FAM3C: variants seen among roughly 807,000 people sequenced by gnomAD.
FAM3C encodes the protein FAM3 metabolism regulating signaling molecule C.
In FAM3C, 15 loss-of-function variants were observed where a neutral mutation model predicts 32.5. The ratio of observed to expected loss-of-function variants is 0.46; its 90% CI spans 0.31 to 0.71. FAM3C has a LOEUF of 0.71. Among genes scored for constraint, FAM3C ranks in the 30% least tolerant of loss-of-function variants. The probability of loss-of-function intolerance (pLI) is 0.05; values close to 1 mark genes in which losing one functional copy is unlikely to be tolerated. For missense variants in FAM3C, 175 were observed against 274.4 expected (o/e 0.64, Z 2.56); for synonymous variants, 75 against 86.1 (o/e 0.87, Z 0.72).
chr7:121,381,104 A>G (rs1794342299), intron 2 of FAM3C, among the ~76,000 whole-genome samples: 1 of 152,206 alleles, frequency 6.6e-6, no homozygotes, highest in South Asian at 2.1e-4. Context: ...CTCCAGGACC[A>G]GCATCCCATT....
At chr7:121,375,787 TC>T (rs1431846911) in intron 3 of FAM3C, among the ~76,000 whole-genome samples, 1 of 152,178 alleles carries the variant, frequency 6.6e-6, no homozygotes, top group Non-Finnish European at 1.5e-5. Flanking sequence ...TTCTATTTGT[TC>T]CAATGGTCCC....
rs377173412 is a variant in FAM3C, at chr7:121,351,165, T to C, written c.572A>G (p.Lys191Arg). The change falls in exon 9 of 10, where the codon AAG (lysine) becomes AGG (arginine). Residue 191 changes from lysine to arginine, a missense_variant. Physicochemically the swap from Lys to Arg is conservative, Grantham distance 26 (BLOSUM62 2). Transcript: ENST00000359943. ...AACCTGTTCAAAAGGGCTTTTTGTC[T>C]TAATGCCCTTCCCACCACAGAAGAC... ...NWVFCGGKGIKTKSPFEQHIK... is the reference protein window; with the variant it reads ...NWVFCGGKGIRTKSPFEQHIK... 3.7e-6 allele frequency: 6 copies of C among 1,613,480 alleles called. No individual in the cohort carries two copies. The African/African-American group carries it at 6.7e-5, about 18-fold the overall frequency.
chr7:121,372,151 A>G lies in FAM3C; in HGVS notation c.119-12T>C. On this transcript the variant is annotated splice_polypyrimidine_tract_variant and intron_variant, in intron 3 of 9. Transcript: ENST00000359943. Reference sequence around the variant, plus strand: ...CAATGCTGATCTTGCTGAAAAAAAAAAATTACTTTTGTTAGAAGGAATGAG... The same window carrying G: ...CAATGCTGATCTTGCTGAAAAAAAAGAATTACTTTTGTTAGAAGGAATGAG... 1 of 1,602,890 alleles carries G rather than the reference A, an allele frequency of 6.2e-7. No homozygotes were observed. The highest frequency in any genetic ancestry group is 1.7e-4 in the Middle Eastern group (1 of 5,944).
chr7:121,395,453 A>C (rs1156963070), intron 1 of FAM3C, among the ~76,000 whole-genome samples: 1 of 150,178 alleles, frequency 6.7e-6, no homozygotes, highest in Non-Finnish European at 1.5e-5. Context: ...ACAGGCAATA[A>C]TATTTTTTCT....
intron 4 of FAM3C, among the ~76,000 whole-genome samples, chr7:121,371,753 G>T (rs978071473): frequency 1.3e-5 from 2 of 152,080 alleles, no homozygotes; most frequent in Non-Finnish European, 2.9e-5. Context: ...TTTAGGATGT[G>T]GGGGGTTCTG....
Position 121,350,167 on chromosome 7 carries a change from T to C in FAM3C, c.*294A>G, listed in dbSNP as rs1479439314. 1 of 331,250 alleles carries C rather than the reference T, an allele frequency of 3.0e-6. No individual in the cohort carries two copies. The highest frequency in any genetic ancestry group is 7.0e-5 in the East Asian group (1 of 14,348). The allele number at this position is 331,250 out of a possible 1,614,324, so 20.5% of individuals were successfully genotyped here. ...AATATATTTTTCACAAACCATTCAG[T>C]TACACATTGTGTATGCTTTTAGAAT... On this transcript the variant is annotated 3_prime_UTR_variant, in exon 10 of 10. Transcript: ENST00000359943.
rs1344633968 is a variant in FAM3C at position 121,363,004 on chromosome 7, A to G, written c.332-57T>C. On this transcript the variant is annotated intron_variant, in intron 6 of 9. Transcript: ENST00000359943. ...CATCTGAAATATATCATACACTGTA[A>G]GACCAATAATCTCATCCAATGATTG... 3.8e-6 allele frequency: 3 copies of G among 795,628 alleles called. No individual in the cohort carries two copies. The African/African-American group carries it at 5.4e-5, about 14-fold the overall frequency. 49.3% of individuals were successfully genotyped at this position (795,628 alleles called of 1,614,324 possible).
At chr7:121,395,365 A>G (rs1187198984) in intron 1 of FAM3C, among the ~76,000 whole-genome samples, 1 of 151,676 alleles carries the variant, frequency 6.6e-6, no homozygotes, top group Non-Finnish European at 1.5e-5. Flanking sequence ...TTTATTTTTT[A>G]GTAGAGACGA....
chr7:121,366,248 G>A (rs1794022173), intron 5 of FAM3C, among the ~76,000 whole-genome samples: 1 of 152,118 alleles, frequency 6.6e-6, no homozygotes, highest in African/African-American at 2.4e-5. Flanking sequence ...AAATGTTTCT[G>A]TAAATGTTAC....
At chr7:121,362,222 T>G (rs896521977) in intron 7 of FAM3C, among the ~76,000 whole-genome samples, 1 of 152,192 alleles carries the variant, frequency 6.6e-6, no homozygotes, top group Non-Finnish European at 1.5e-5. Context: ...CGTTCTTCTT[T>G]GGGGTGCCAG....
At chr7:121,352,741 CA>C (rs1219565841) in intron 8 of FAM3C, among the ~76,000 whole-genome samples, 1 of 152,170 alleles carries the variant, frequency 6.6e-6, no homozygotes, top group Admixed American at 6.5e-5. Context: ...ACTTGATAAC[CA>C]ACTTTGGTGC....
intron 1 of FAM3C, among the ~76,000 whole-genome samples, chr7:121,394,836 G>GTTA (rs1290447543): frequency 6.6e-6 from 1 of 152,182 alleles, no homozygotes; most frequent in African/African-American, 2.4e-5. Flanking sequence ...CTTGTTAAAT[G>GTTA]GCTTTCAGTA....
chr7:121,377,206 CAT>C (rs1343039825), intron 3 of FAM3C, among the ~76,000 whole-genome samples: 1 of 152,134 alleles, frequency 6.6e-6, no homozygotes, highest in African/African-American at 2.4e-5. Context: ...CCAAGAATAA[CAT>C]GTTTGCTACC....
chr7:121,369,032 T>C (rs1794087258), intron 5 of FAM3C, among the ~76,000 whole-genome samples: 3 of 148,386 alleles, frequency 2.0e-5, no homozygotes, highest in African/African-American at 5.0e-5. Context: ...CAGGCTGCAG[T>C]GCAGTGGTGC....
At chr7:121,395,672 T>TA (rs1274319727) in intron 1 of FAM3C, among the ~76,000 whole-genome samples, 3 of 151,912 alleles carry the variant, frequency 2.0e-5, no homozygotes, top group African/African-American at 7.3e-5. Flanking sequence ...GGATAGCTTG[T>TA]AAAAAACCAA....
intron 8 of FAM3C, among the ~76,000 whole-genome samples, chr7:121,352,954 G>A (rs1164777269): frequency 6.6e-6 from 1 of 152,188 alleles, no homozygotes; most frequent in Non-Finnish European, 1.5e-5. Context: ...AGAATAAATA[G>A]TATTGAAATG....
At chr7:121,359,726 A>G (rs754032638) in intron 8 of FAM3C, among the ~76,000 whole-genome samples, 6 of 152,078 alleles carry the variant, frequency 3.9e-5, no homozygotes, top group Non-Finnish European at 7.4e-5. Context: ...AGGTGAGCCC[A>G]TAACTGCTGA....
intron 8 of FAM3C, among the ~76,000 whole-genome samples, chr7:121,355,298 G>T (rs1450052119): frequency 6.6e-6 from 1 of 152,170 alleles, no homozygotes; most frequent in Non-Finnish European, 1.5e-5. Flanking sequence ...AAAGGAACTT[G>T]TTGAAATAAT....
chr7:121,395,288 GATACATACATATATAT>G, intron 1 of FAM3C, among the ~76,000 whole-genome samples: 1 of 138,856 alleles, frequency 7.2e-6, no homozygotes, highest in African/African-American at 3.2e-5. Flanking sequence ...CATATATATG[GATACATACATATATAT>G]GGATACATAC....
Sources: gnomAD v4.1 joint callset for allele counts (sites outside exome capture counted in the v4.1 genomes callset) on GRCh38, gnomAD v4.1.1 for gene constraint, MANE v1.5 for transcripts, NCBI Gene and HGNC (gene_info 2026-07-23, HGNC 2026-07-21) for gene names.